The following GABRG1 variants were observed in gnomAD, a reference collection of about 807,000 sequenced individuals.
GABRG1 encodes gamma-aminobutyric acid receptor subunit gamma-1.
Under a neutral mutation model 49.8 loss-of-function variants are expected in GABRG1, and 49 were observed. The observed-to-expected ratio is 0.98, with a 90% confidence interval of 0.78 to 1.25. The LOEUF (loss-of-function observed/expected upper bound fraction) is 1.25. Among genes scored for constraint, GABRG1 ranks in the 50% most tolerant of loss-of-function variants. The pLI is 0.00. For missense variants in GABRG1, 552 were observed against 552.3 expected, an observed-to-expected ratio of 1.00 and a Z score of 0.01; for synonymous variants, 232 against 185.1, an observed-to-expected ratio of 1.25 and a Z score of -2.06.
intron 8 of GABRG1, among the ~76,000 whole-genome samples, chr4:46,042,493 T>C (rs928954637): frequency 1.3e-5 from 2 of 151,936 alleles, no homozygotes; most frequent in Non-Finnish European, 2.9e-5. Flanking sequence ...AAACATTAAA[T>C]ATAGCGCCAA....
chr4:46,041,163 T>A lies in GABRG1; in HGVS notation c.1223A>T (p.Glu408Val). The change falls in exon 9 of 9, where the codon GAG (glutamate) becomes GTG (valine). Residue 408 changes from glutamate to valine, a missense_variant. By Grantham distance (121) the Glu-to-Val change is moderately radical. Transcript: ENST00000295452. ...QEDDYGYQCLEGKDCASFFCC... is the reference protein window; with the variant it reads ...QEDDYGYQCLVGKDCASFFCC... Reference sequence around the variant, plus strand: ...GAAGAAGCTGGCACAATCTTTGCCCTCCAAACACTGATACCCATAATCATC... The same window carrying A: ...GAAGAAGCTGGCACAATCTTTGCCCACCAAACACTGATACCCATAATCATC... 6.2e-7 allele frequency: 1 copy of A among 1,613,084 alleles called. No individual in the cohort carries two copies. The highest frequency in any genetic ancestry group is 8.5e-7 in the Non-Finnish European group (1 of 1,179,376).
At chr4:46,081,384 A>C (rs7654150) in intron 3 of GABRG1, among the ~76,000 whole-genome samples, 8,200 of 151,912 alleles carry the variant, frequency 0.054, 365 homozygotes, top group African/African-American at 0.11. Flanking sequence ...TCTTGCACTA[A>C]TGTGACAAAG....
chr4:46,110,965 T>A (rs930942421), intron 1 of GABRG1, among the ~76,000 whole-genome samples: 4 of 151,068 alleles, frequency 2.6e-5, no homozygotes, highest in Non-Finnish European at 5.9e-5. Flanking sequence ...CTCCTACCAC[T>A]CCTATTCAAC....
At chr4:46,086,763 C>T (rs536403878) in intron 2 of GABRG1, among the ~76,000 whole-genome samples, 2 of 151,710 alleles carry the variant, frequency 1.3e-5, no homozygotes, top group East Asian at 1.9e-4. Flanking sequence ...CAAGCAACCA[C>T]CTAGTGTGAA....
intron 2 of GABRG1, among the ~76,000 whole-genome samples, chr4:46,090,485 A>G (rs1719940269): frequency 6.6e-6 from 1 of 152,062 alleles, no homozygotes; most frequent in Non-Finnish European, 1.5e-5. Context: ...TTTAGCAATT[A>G]GGAATATAGT....
intron 3 of GABRG1, among the ~76,000 whole-genome samples, chr4:46,078,665 G>T (rs1719448889): frequency 6.6e-6 from 1 of 152,044 alleles, no homozygotes; most frequent in East Asian, 1.9e-4. Flanking sequence ...CAAGTTATAT[G>T]TCTTGAGAGT....
At position 46,097,295 on chromosome 4, in the gene GABRG1, C is replaced by T; in HGVS notation, c.159G>A (p.Trp53Ter). ...DDEDLTVNKT[W>*]VLAPKIHEGD... Reference sequence around the variant, plus strand: ...CTTCATGAATTTTTGGGGCCAAGACCCAGGTTTTGTTCACCGTTAAATCCT... The same window carrying T: ...CTTCATGAATTTTTGGGGCCAAGACTCAGGTTTTGTTCACCGTTAAATCCT... The change falls in exon 2 of 9, where the codon TGG becomes TGA. Residue 53 changes from tryptophan to a stop codon, truncating the protein, a stop_gained. Transcript: ENST00000295452. LOFTEE classifies it high-confidence loss of function. 6.2e-7 allele frequency: 1 copy of T among 1,610,624 alleles called. No homozygotes were observed. The highest frequency in any genetic ancestry group is 1.3e-5 in the African/African-American group (1 of 74,712).
chr4:46,060,732 C>A (rs1013304533), intron 5 of GABRG1, among the ~76,000 whole-genome samples: 1 of 152,058 alleles, frequency 6.6e-6, no homozygotes, highest in African/African-American at 2.4e-5. Context: ...TTCCTTTTCT[C>A]CATCTTCTTT....
intron 3 of GABRG1, among the ~76,000 whole-genome samples, chr4:46,077,566 A>T (rs1308246908): frequency 6.6e-6 from 1 of 151,958 alleles, no homozygotes; most frequent in Non-Finnish European, 1.5e-5. Flanking sequence ...CTTTAGAAGA[A>T]AATAGCATTA....
intron 1 of GABRG1, among the ~76,000 whole-genome samples, chr4:46,112,876 C>T (rs1720762827): frequency 6.6e-6 from 1 of 150,834 alleles, no homozygotes; most frequent in African/African-American, 2.4e-5. Flanking sequence ...CAAAGCTCAG[C>T]ATCCTGGAAT....
At chr4:46,118,540 C>G (rs1721003042) in intron 1 of GABRG1, among the ~76,000 whole-genome samples, 1 of 151,034 alleles carries the variant, frequency 6.6e-6, no homozygotes, top group Non-Finnish European at 1.5e-5. Context: ...GTATCCTGTT[C>G]ATCTAGCATA....
At chr4:46,087,997 T>G in intron 2 of GABRG1, among the ~76,000 whole-genome samples, 1 of 152,046 alleles carries the variant, frequency 6.6e-6, no homozygotes, top group East Asian at 1.9e-4. Flanking sequence ...AATAAAAATA[T>G]TTCTTAACCA....
chr4:46,117,606 C>A (rs528663189), intron 1 of GABRG1, among the ~76,000 whole-genome samples: 2,966 of 136,206 alleles, frequency 0.022, 42 homozygotes, highest in Admixed American at 0.044. Context: ...CTCTCTCTCT[C>A]TCTCTCTATA....
chr4:46,039,994 T>C lies in GABRG1; in HGVS notation c.*994A>G, dbSNP rs1717694480. On this transcript the variant is annotated 3_prime_UTR_variant, in exon 9 of 9. Coordinates refer to ENST00000295452, the MANE Select transcript of GABRG1 (RefSeq NM_173536.4). ...ATTACTAGTCTAAAAACAATGCTAA[T>C]AGCACATATTTAAGATTTTGTCCTC... The C allele has an allele frequency of 6.6e-6, 1 of 151,886 alleles. No individual in the cohort carries two copies. The highest frequency in any genetic ancestry group is 2.1e-4 in the South Asian group (1 of 4,832). 9.4% of individuals were successfully genotyped at this position (151,886 alleles called of 1,614,324 possible).
At chr4:46,070,063 ATCT>A (rs1469937247) in intron 3 of GABRG1, among the ~76,000 whole-genome samples, 1 of 151,980 alleles carries the variant, frequency 6.6e-6, no homozygotes, top group African/African-American at 2.4e-5. Context: ...AAAAGTAGAC[ATCT>A]TCTGTATGTC....
At chr4:46,047,962 C>CA (rs1464045525) in intron 8 of GABRG1, among the ~76,000 whole-genome samples, 2 of 151,950 alleles carry the variant, frequency 1.3e-5, no homozygotes, top group Non-Finnish European at 2.9e-5. Flanking sequence ...AATTTCACAT[C>CA]TTAATAAAAT....
intron 1 of GABRG1, among the ~76,000 whole-genome samples, chr4:46,112,848 A>T (rs1240038137): frequency 6.6e-6 from 1 of 151,012 alleles, no homozygotes; most frequent in African/African-American, 2.4e-5. Context: ...TATATCGCTG[A>T]TGGGATTATT....
intron 1 of GABRG1, among the ~76,000 whole-genome samples, chr4:46,102,686 T>C (rs1377864045): frequency 1.3e-5 from 2 of 151,788 alleles, no homozygotes; most frequent in African/African-American, 4.8e-5. Flanking sequence ...TTTCTTTTTG[T>C]CTTACTAAAC....
At position 46,108,245 on chromosome 4, in the gene GABRG1, T is replaced by C. The variant is rs148647039; in HGVS notation, c.105-10896A>G. Among the ~76,000 whole-genome samples, 5 of 151,170 alleles carry C rather than the reference T, an allele frequency of 3.3e-5. No homozygotes were observed. In the East Asian group the frequency reaches 5.9e-4, roughly 18 times the overall value. On this transcript the variant is annotated intron_variant, in intron 1 of 8. Coordinates refer to ENST00000295452, the MANE Select transcript of GABRG1 (RefSeq NM_173536.4). ...CATTTCTTAAGCCAGGAAACAAGCA[T>C]TATGGCCTGTCAGGGTCAAGCCAAA...
Sources: gnomAD v4.1 joint callset for allele counts (sites outside exome capture counted in the v4.1 genomes callset) on GRCh38, gnomAD v4.1.1 for gene constraint, MANE v1.5 for transcripts, NCBI Gene and HGNC (gene_info 2026-07-23, HGNC 2026-07-21) for gene names.